DPP10: variants seen among roughly 807,000 people sequenced by gnomAD.
DPP10 encodes the protein inactive dipeptidyl peptidase 10.
Under a neutral mutation model 120.9 loss-of-function variants are expected in DPP10, and 33 were observed. That is an observed-to-expected ratio of 0.27 (90% confidence interval 0.21 to 0.37). DPP10 has a LOEUF of 0.37. Ranked by LOEUF, DPP10 falls within the 10% of genes least tolerant of loss-of-function variation. DPP10 has a pLI of 1.00. For synonymous variants in DPP10, 337 were observed against 326.1 expected, an observed-to-expected ratio of 1.03 and a Z score of -0.36; for missense variants, 816 against 942.8, an observed-to-expected ratio of 0.87 and a Z score of 1.76.
chr2:114,800,618 T>C (rs1163056064), intron 1 of DPP10, among the ~76,000 whole-genome samples: 2 of 152,200 alleles, frequency 1.3e-5, no homozygotes, highest in African/African-American at 4.8e-5. Context: ...GGGGACTGAT[T>C]GTTATTGTTC....
chr2:115,602,787 A>C (rs967059853), intron 5 of DPP10, among the ~76,000 whole-genome samples: 1 of 152,094 alleles, frequency 6.6e-6, no homozygotes, highest in Non-Finnish European at 1.5e-5. Context: ...CATTCATCAT[A>C]TTTTCTGGGG....
At position 115,422,710 on chromosome 2, in the gene DPP10, T is replaced by A. The variant is rs145328857; in HGVS notation, c.272-76800T>A. On this transcript the variant is annotated intron_variant, in intron 3 of 25. Coordinates refer to ENST00000410059, the MANE Select transcript of DPP10 (RefSeq NM_020868.6). ...TGAGAACAAAGAGAAAAAAATAATA[T>A]CCAATAATGTCAGTTCAGATATTGT... is the stretch of plus-strand genomic sequence containing the variant. 6.1e-3 allele frequency among the ~76,000 whole-genome samples: 932 copies of A among 152,252 alleles called. 5 individuals carry two copies. The highest frequency in any genetic ancestry group is 6.7e-3 in the Non-Finnish European group (457 of 68,008).
chr2:114,727,951 A>G (rs890712877), intron 1 of DPP10, among the ~76,000 whole-genome samples: 2 of 152,228 alleles, frequency 1.3e-5, no homozygotes, highest in African/African-American at 4.8e-5. Context: ...TTAATGTCCA[A>G]TTTTGGATGG....
chr2:115,623,182 G>A (rs1453530353), intron 5 of DPP10, among the ~76,000 whole-genome samples: 29 of 151,940 alleles, frequency 1.9e-4, no homozygotes, highest in Admixed American at 1.8e-3. Context: ...GTATTTTTGT[G>A]GTATGATGGC....
intron 3 of DPP10, among the ~76,000 whole-genome samples, chr2:115,349,254 T>C (rs1474067594): frequency 2.0e-5 from 3 of 152,134 alleles, no homozygotes; most frequent in African/African-American, 7.2e-5. Flanking sequence ...TAACCTGCTG[T>C]CTTTGTAACG....
At chr2:114,748,362 T>TTTTATTTA (rs57013331) in intron 1 of DPP10, among the ~76,000 whole-genome samples, 1,269 of 124,732 alleles carry the variant, frequency 0.01, 20 homozygotes, top group Non-Finnish European at 0.015. Flanking sequence ...TTTTTTTTTA[T>TTTTATTTA]TTTATTTATT....
chr2:114,553,499 G>A (rs1368371136), intron 1 of DPP10, among the ~76,000 whole-genome samples: 1 of 152,186 alleles, frequency 6.6e-6, no homozygotes, highest in Non-Finnish European at 1.5e-5. Flanking sequence ...CCTGGGGAGA[G>A]CGATATTTTT....
intron 1 of DPP10, among the ~76,000 whole-genome samples, chr2:115,292,082 A>T (rs1173577348): frequency 6.6e-6 from 1 of 152,092 alleles, no homozygotes. Context: ...TCTGGAAAAA[A>T]ATTATTCCAT....
chr2:114,591,554 A>ATTTTTTTTTTTTTTTTTTTT lies in DPP10; in HGVS notation c.60+148734_60+148735insTTTTTTTTTTTTTTTTTTTT, dbSNP rs70937292. Among the ~76,000 whole-genome samples the ATTTTTTTTTTTTTTTTTTTT allele has an allele frequency of 9.6e-5, 12 of 124,568 alleles. 1 individual carries two copies. The highest frequency in any genetic ancestry group is 3.8e-4 in the African/African-American group (12 of 31,666). 81.7% of individuals were successfully genotyped at this position (124,568 alleles called of 152,430 possible). A position where few individuals can be genotyped will look rare whatever the true frequency, so the allele number is the denominator to read the frequency against. On this transcript the variant is annotated intron_variant, in intron 1 of 25. Transcript: ENST00000410059. The stretch of plus-strand genomic sequence containing the variant: ...CTCAGAATGTACCCAACCTCTTCCT[A>ATTTTTTTTTTTTTTTTTTTT]TTTTTTTTTTTTTTTTTTGAGATGG...
chr2:115,334,230 G>GGTTTTTTTTTTTTTTT (rs1553554643), intron 2 of DPP10, among the ~76,000 whole-genome samples: 9 of 56,404 alleles, frequency 1.6e-4, no homozygotes, highest in African/African-American at 4.4e-4. Context: ...AGCAGACTCT[G>GGTTTTTTTTTTTTTTT]TTTTTTTTTT....
intron 1 of DPP10, among the ~76,000 whole-genome samples, chr2:115,116,273 C>G (rs529794726): frequency 6.6e-6 from 1 of 152,052 alleles, no homozygotes; most frequent in Non-Finnish European, 1.5e-5. Context: ...TTTTTCAGTG[C>G]CTTCTACATA....
In DPP10 at chr2:115,731,670, A is replaced by G. The variant is rs184456102; in HGVS notation, c.697+3734A>G. Among the ~76,000 whole-genome samples, 254 of 152,252 alleles carry G rather than the reference A, an allele frequency of 1.7e-3. 1 individual carries two copies. Among genetic ancestry groups the G allele is most frequent in the Middle Eastern group, 6.8e-3 (2 of 294 alleles). On this transcript the variant is annotated intron_variant, in intron 8 of 25. Coordinates refer to ENST00000410059, the MANE Select transcript of DPP10 (RefSeq NM_020868.6). Reference sequence around the variant, plus strand: ...CAGGGCTTAGTCACTAGTCTACTCTACTTGTTATAGGGGGATGTCCTTCAC... The same window carrying G: ...CAGGGCTTAGTCACTAGTCTACTCTGCTTGTTATAGGGGGATGTCCTTCAC...
chr2:115,249,690 A>G (rs940987631), intron 1 of DPP10, among the ~76,000 whole-genome samples: 1 of 152,150 alleles, frequency 6.6e-6, no homozygotes, highest in Admixed American at 6.6e-5. Flanking sequence ...AACAACTTCT[A>G]CGTAAGAAGA....
chr2:115,284,395 A>G (rs1226759358), intron 1 of DPP10, among the ~76,000 whole-genome samples: 1 of 151,962 alleles, frequency 6.6e-6, no homozygotes, highest in East Asian at 1.9e-4. Context: ...AGCCCTAGTA[A>G]TTTTTTGCTT....
At chr2:115,329,878 A>G (rs2062604521) in intron 2 of DPP10, among the ~76,000 whole-genome samples, 2 of 152,156 alleles carry the variant, frequency 1.3e-5, no homozygotes, top group South Asian at 4.1e-4. Context: ...GCTATTGTGA[A>G]TAGTGCTGCA....
rs535791882 is a variant in DPP10 at position 115,619,468 on chromosome 2, TC to T, written c.442-70217del. On this transcript the variant is annotated intron_variant, in intron 5 of 25. Transcript: ENST00000410059. ...ACTTTCTATAATAAAAAGTCTACTATCCTTCGCATGACATTGCCTTTATTTT... is the reference window on the plus strand; with the variant it reads ...ACTTTCTATAATAAAAAGTCTACTATCTTCGCATGACATTGCCTTTATTTT... Among the ~76,000 whole-genome samples, 5 of 152,308 alleles carry T rather than the reference TC, an allele frequency of 3.3e-5. No homozygotes were observed. In the South Asian group the frequency reaches 1.0e-3, roughly 32 times the overall value.
At chr2:115,518,759 A>G (rs1354881576) in intron 4 of DPP10, among the ~76,000 whole-genome samples, 1 of 152,102 alleles carries the variant, frequency 6.6e-6, no homozygotes, top group African/African-American at 2.4e-5. Context: ...GCTCCGGTCT[A>G]CTCATCTTGT....
chr2:115,658,368 A>C (rs2088590341), intron 5 of DPP10, among the ~76,000 whole-genome samples: 1 of 150,464 alleles, frequency 6.6e-6, no homozygotes, highest in Admixed American at 6.6e-5. Context: ...TCCCTTATTT[A>C]TTTAGGTCAA....
intron 1 of DPP10, among the ~76,000 whole-genome samples, chr2:114,871,590 G>A (rs573343605): frequency 1.3e-5 from 2 of 152,332 alleles, no homozygotes; most frequent in African/African-American, 4.8e-5. Flanking sequence ...TAAGATGTTA[G>A]GATGTGTCTG....
Sources: allele counts gnomAD v4.1 joint callset (sites outside exome capture counted in the v4.1 genomes callset), GRCh38; gene constraint gnomAD v4.1.1; transcripts MANE v1.5; gene names NCBI Gene and HGNC (gene_info 2026-07-23, HGNC 2026-07-21).